Variants in KDM5B observed in about 807,000 individuals in gnomAD.
KDM5B encodes the protein lysine-specific demethylase 5B.
KDM5B carries 144 observed loss-of-function variants against 193.4 expected under a neutral mutation model. The observed-to-expected ratio is 0.74, with a 90% CI of 0.65 to 0.86. The LOEUF (loss-of-function observed/expected upper bound fraction) is 0.86. KDM5B is among the 40% of genes least tolerant of loss of function. The pLI, the probability that KDM5B is intolerant of heterozygous loss-of-function variation, is 0.00. For synonymous variants in KDM5B, 668 were observed against 682.6 expected (o/e 0.98, Z 0.33); for missense variants, 1,833 against 1,886.9 (o/e 0.97, Z 0.53).
At chr1:202,804,952 A>C (rs1323835362) in intron 1 of KDM5B, among the ~76,000 whole-genome samples, 3 of 152,172 alleles carry the variant, frequency 2.0e-5, no homozygotes, top group African/African-American at 7.2e-5. Context: ...TACTAAAGCC[A>C]TAAATATATT....
intron 1 of KDM5B, chr1:202,807,053 A>C (rs1039221985): frequency 6.6e-6 from 1 of 152,350 alleles, no homozygotes; most frequent in Non-Finnish European, 1.5e-5. Flanking sequence ...TGGTTTCAGC[A>C]ACACCCACCC....
At chr1:202,756,586 G>A in intron 9 of KDM5B, 70 bp from the exon 10 acceptor site, 5 of 1,210,988 alleles carry the variant, frequency 4.1e-6, no homozygotes, top group Non-Finnish European at 1.1e-6. Flanking sequence ...GCTCAGTGAT[G>A]GGAATCAAAG....
chr1:202,798,341 C>A (rs1339835584), intron 1 of KDM5B, among the ~76,000 whole-genome samples: 1 of 140,152 alleles, frequency 7.1e-6, no homozygotes, highest in African/African-American at 2.8e-5. Context: ...TGCTATGTTG[C>A]CCAGGCTGGT....
At chr1:202,746,990 C>A (rs1655584691) in intron 14 of KDM5B, among the ~76,000 whole-genome samples, 1 of 152,144 alleles carries the variant, frequency 6.6e-6, no homozygotes, top group Non-Finnish European at 1.5e-5. Context: ...ATCTAGAGAA[C>A]CCTTCTTGGA....
Position 202,772,607 on chromosome 1 carries a change from A to G in KDM5B, c.576+511T>C, listed in dbSNP as rs535618474. Among the ~76,000 whole-genome samples, 4 of 152,310 alleles carry G rather than the reference A, an allele frequency of 2.6e-5. No individual in the cohort carries two copies. The South Asian group carries it at 8.3e-4, about 32-fold the overall frequency. ...GGACAGTAAAAAAATTTCCTCCACA[A>G]TCTTACTCATTCCAGAAACAAACTT... On this transcript the variant is annotated intron_variant, in intron 4 of 26. Coordinates refer to ENST00000367265, the MANE Select transcript of KDM5B (RefSeq NM_006618.5).
chr1:202,754,638 A>G (rs1655937232), intron 11 of KDM5B, among the ~76,000 whole-genome samples: 2 of 152,256 alleles, frequency 1.3e-5, no homozygotes. Flanking sequence ...GGGATTTTCT[A>G]TAGTAAAAGT....
At chr1:202,781,959 A>G (rs1317974594) in intron 1 of KDM5B, among the ~76,000 whole-genome samples, 1 of 152,178 alleles carries the variant, frequency 6.6e-6, no homozygotes, top group East Asian at 1.9e-4. Context: ...AAAAGCCTGT[A>G]TATTAAAGTT....
intron 20 of KDM5B, 73 bp downstream of exon 20, chr1:202,740,601 C>T: frequency 2.1e-6 from 3 of 1,441,134 alleles, no homozygotes; most frequent in South Asian, 2.8e-5. Flanking sequence ...CCCCACCTCC[C>T]TCCCGGACGG....
At chr1:202,746,546 T>C in intron 14 of KDM5B, 1 of 433,492 alleles carries the variant, frequency 2.3e-6, no homozygotes, top group East Asian at 3.4e-5. Context: ...GGCAGGTCCT[T>C]ATGTTTGGTC....
chr1:202,742,650 C>T lies in KDM5B; in HGVS notation c.2474+5G>A. Reference sequence around the variant, plus strand: ...ATCCAAACTCACGCAGTCAGAAGCGCATACCTAGTTTGCCTTTTGCCATTA... The same window carrying T: ...ATCCAAACTCACGCAGTCAGAAGCGTATACCTAGTTTGCCTTTTGCCATTA... On this transcript the variant is annotated splice_donor_5th_base_variant and intron_variant, in intron 17 of 26. Transcript: ENST00000367265. The T allele has an allele frequency of 6.2e-7, 1 of 1,613,812 alleles. No homozygotes were observed. The highest frequency in any genetic ancestry group is 8.5e-7 in the Non-Finnish European group (1 of 1,179,834).
intron 18 of KDM5B, among the ~76,000 whole-genome samples, chr1:202,742,064 T>TG (rs1352064500): frequency 6.6e-6 from 1 of 151,968 alleles, no homozygotes; most frequent in African/African-American, 2.4e-5. Context: ...TTAGTAGAGA[T>TG]GGGGTTTCAC....
chr1:202,775,368 T>A (rs986085570), intron 2 of KDM5B, among the ~76,000 whole-genome samples: 1 of 149,260 alleles, frequency 6.7e-6, no homozygotes, highest in Non-Finnish European at 1.5e-5. Context: ...AAACTCCGTC[T>A]CTACTAAAAA....
At position 202,736,232 on chromosome 1, in the gene KDM5B, G is replaced by C. The variant is rs201514594; in HGVS notation, c.3245C>G (p.Ser1082Cys). 6.3e-7 allele frequency: 1 copy of C among 1,588,686 alleles called. No individual in the cohort carries two copies. Among genetic ancestry groups the C allele is most frequent in the African/African-American group, 1.3e-5 (1 of 74,338 alleles). ...ACTTACCTCTAAGAGAGAATATGGA[G>C]AATTCTCAGTCAAGAATGTATTAAC... Reference protein sequence around the residue: ...CAVNTFLTENSPYSLLEVLCP... With the variant: ...CAVNTFLTENCPYSLLEVLCP... The change falls in exon 21 of 27, where the codon TCT (serine) becomes TGT (cysteine). Residue 1082 changes from serine to cysteine, a missense_variant. Transcript: ENST00000367265.
At chr1:202,760,671 C>G in intron 7 of KDM5B, 98 bp from the exon 8 acceptor site, 1 of 771,508 alleles carries the variant, frequency 1.3e-6, no homozygotes, top group Non-Finnish European at 2.0e-6. Context: ...ATAATCTAGT[C>G]TCTACATCCT....
At chr1:202,780,788 T>TAA (rs11412721) in intron 1 of KDM5B, among the ~76,000 whole-genome samples, 251 of 129,250 alleles carry the variant, frequency 1.9e-3, no homozygotes, top group East Asian at 4.3e-3. Context: ...TTGCCATTAC[T>TAA]AAAAAAAAAA....
In KDM5B at chr1:202,728,981, C is replaced by G; in HGVS notation, c.*55G>C. 1 of 1,609,154 alleles carries G rather than the reference C, an allele frequency of 6.2e-7. No individual in the cohort carries two copies. Among genetic ancestry groups the G allele is most frequent in the African/African-American group, 1.3e-5 (1 of 74,874 alleles). On this transcript the variant is annotated 3_prime_UTR_variant, in exon 27 of 27. Coordinates refer to ENST00000367265, the MANE Select transcript of KDM5B (RefSeq NM_006618.5). ...AGCTTTGCTGAGATTTGAAGAAATC[C>G]TCTTGGTTGGAGTCCTGAATTACAT...
chr1:202,755,588 G>A, intron 10 of KDM5B, 136 bp from the exon 11 acceptor site: 2 of 676,044 alleles, frequency 3.0e-6, no homozygotes, highest in South Asian at 2.1e-5. Flanking sequence ...TGACCTTCTA[G>A]GATGCCCAGA....
intron 12 of KDM5B, among the ~76,000 whole-genome samples, 187 bp from the exon 13 acceptor site, chr1:202,750,965 G>GTA (rs1471270025): frequency 1.3e-5 from 2 of 152,172 alleles, no homozygotes; most frequent in African/African-American, 4.8e-5. Flanking sequence ...AGATGGAGCA[G>GTA]TATCCCAGAC....
Position 202,724,846 on chromosome 1 carries a change from T to C in KDM5B, c.*4190A>G, listed in dbSNP as rs1223587007. The stretch of plus-strand genomic sequence containing the variant: ...TTTGAAACCGCACTCTTCTCCAACT[T>C]CTAGCTAGGTAAGTTTGCCAGGAGC... On this transcript the variant is annotated 3_prime_UTR_variant, in exon 27 of 27. Transcript: ENST00000367265. 1 of 152,214 alleles carries C rather than the reference T, an allele frequency of 6.6e-6. No individual in the cohort carries two copies. Among genetic ancestry groups the C allele is most frequent in the Admixed American group, 6.5e-5 (1 of 15,280 alleles). 9.4% of individuals were successfully genotyped at this position (152,214 alleles called of 1,614,324 possible). A position where few individuals can be genotyped will look rare whatever the true frequency, so the allele number is the denominator to read the frequency against.
Sources: allele counts gnomAD v4.1 joint callset (sites outside exome capture counted in the v4.1 genomes callset), GRCh38; gene constraint gnomAD v4.1.1; transcripts MANE v1.5; gene names NCBI Gene and HGNC (gene_info 2026-07-23, HGNC 2026-07-21).